The following CLEC6A variants were observed in gnomAD, a reference collection of about 807,000 sequenced individuals.
The protein encoded by CLEC6A is C-type lectin domain containing 6A, also known as C-type lectin domain family 6 member A.
In CLEC6A, 22 loss-of-function variants were observed where a neutral mutation model predicts 25.7. That is an observed-to-expected ratio of 0.85 (90% CI 0.61 to 1.22). CLEC6A has a LOEUF of 1.22. CLEC6A is among the 50% of genes most tolerant of loss of function. The pLI is 0.00. For synonymous variants in CLEC6A, 92 were observed against 76.7 expected, an observed-to-expected ratio of 1.20 and a Z score of -1.04; for missense variants, 240 against 236.8, an observed-to-expected ratio of 1.01 and a Z score of -0.09.
intron 3 of CLEC6A, chr12:8,460,582 C>A (rs1428242290): frequency 4.9e-6 from 5 of 1,016,102 alleles, no homozygotes; most frequent in African/African-American, 1.6e-5. Flanking sequence ...AGGGGAAGAG[C>A]CTTTCTGTCT....
At chr12:8,474,846 A>G (rs757818420) in intron 4 of CLEC6A, among the ~76,000 whole-genome samples, 157 of 152,276 alleles carry the variant, frequency 1.0e-3, no homozygotes, top group Non-Finnish European at 1.9e-3. Context: ...TGAGCTCTCT[A>G]TTATGTTTAA....
intron 1 of CLEC6A, among the ~76,000 whole-genome samples, chr12:8,457,464 C>T (rs769357597): frequency 6.6e-6 from 1 of 152,246 alleles, no homozygotes; most frequent in South Asian, 2.1e-4. Flanking sequence ...TTTTCTTTAT[C>T]CATTCATCTG....
intron 3 of CLEC6A, among the ~76,000 whole-genome samples, chr12:8,464,385 G>T (rs763916795): frequency 6.6e-6 from 1 of 150,822 alleles, no homozygotes; most frequent in African/African-American, 2.4e-5. Flanking sequence ...GCTGGAGTGC[G>T]GTGGTGCAAT....
At chr12:8,458,372 C>T (rs1028327160) in intron 2 of CLEC6A, among the ~76,000 whole-genome samples, 2 of 152,158 alleles carry the variant, frequency 1.3e-5, no homozygotes, top group African/African-American at 4.8e-5. Flanking sequence ...ATATTAGATT[C>T]TTTGATTCAT....
At chr12:8,476,069 C>A in intron 4 of CLEC6A, 56 bp from the exon 5 acceptor site, 1 of 1,151,890 alleles carries the variant, frequency 8.7e-7, no homozygotes, top group Non-Finnish European at 1.3e-6. Context: ...GCAACCTTTA[C>A]TCTGTTCAAT....
intron 3 of CLEC6A, among the ~76,000 whole-genome samples, chr12:8,464,475 T>C (rs4303299): frequency 0.77 from 117,008 of 151,810 alleles, 45,544 homozygotes; most frequent in East Asian, 0.99. Context: ...ACTAAAGGCG[T>C]CCGCCACCAC....
intron 4 of CLEC6A, among the ~76,000 whole-genome samples, chr12:8,470,210 A>G (rs1939887071): frequency 6.6e-6 from 1 of 152,174 alleles, no homozygotes; most frequent in African/African-American, 2.4e-5. Flanking sequence ...TGATCAGGGA[A>G]ATGTAAATCA....
chr12:8,461,096 A>G (rs540741866), intron 3 of CLEC6A: 19 of 1,595,868 alleles, frequency 1.2e-5, no homozygotes, highest in Non-Finnish European at 1.6e-5. Context: ...AAGCACAGGG[A>G]GATGTGTGGG....
intron 5 of CLEC6A, 134 bp from the exon 6 acceptor site, chr12:8,477,186 T>G (rs1939986744): frequency 1.5e-6 from 1 of 672,556 alleles, no homozygotes; most frequent in Admixed American, 3.1e-5. Flanking sequence ...AGGAGAGTAG[T>G]ATGAGAAGAA....
In CLEC6A at chr12:8,455,994, T is replaced by C. The variant is rs1939670193; in HGVS notation, c.-118T>C. ...GAAGTCTCTTAGTCCTATAAGAGTG[T>C]GTAGCAGTTTGTCCCTGAGCTCTAG... On this transcript the variant is annotated 5_prime_UTR_variant, in exon 1 of 6. Coordinates refer to ENST00000382073, the MANE Select transcript of CLEC6A (RefSeq NM_001007033.2). The C allele has an allele frequency of 3.6e-6, 3 of 838,258 alleles. No homozygotes were observed. Among genetic ancestry groups the C allele is most frequent in the Non-Finnish European group, 6.0e-6 (3 of 497,970 alleles). 51.9% of individuals were successfully genotyped at this position (838,258 alleles called of 1,614,324 possible).
rs771183062 is a variant in CLEC6A, at chr12:8,459,678, G to C, written c.203G>C (p.Ser68Thr). ...TATCATTCAAGTCTCACCTGCTTCAGTGAAGGGACAAAGGTGCCAGGTAAA... is the reference window on the plus strand; with the variant it reads ...TATCATTCAAGTCTCACCTGCTTCACTGAAGGGACAAAGGTGCCAGGTAAA... ...HSYHSSLTCF[S>T]EGTKVPAWGC... The change falls in exon 3 of 6, where the codon AGT (serine) becomes ACT (threonine). Residue 68 changes from serine (S) to threonine (T), a missense_variant. By Grantham distance (58) the Ser-to-Thr change is moderately conservative. Transcript: ENST00000382073. 5 of 1,611,980 alleles carry C rather than the reference G, an allele frequency of 3.1e-6. No homozygotes were observed. The highest frequency in any genetic ancestry group is 2.2e-5 in the South Asian group (2 of 91,044).
intron 3 of CLEC6A, chr12:8,460,576 GA>G: frequency 1.0e-6 from 1 of 973,060 alleles, no homozygotes; most frequent in African/African-American, 1.6e-5. Flanking sequence ...TGGAAAAGGG[GA>G]AGAGCCTTTC....
intron 4 of CLEC6A, among the ~76,000 whole-genome samples, chr12:8,473,976 A>G (rs750989737): frequency 6.6e-6 from 1 of 151,916 alleles, no homozygotes; most frequent in African/African-American, 2.4e-5. Flanking sequence ...TGGATGTTAG[A>G]CCTTTGCTGG....
intron 1 of CLEC6A, 138 bp downstream of exon 1, chr12:8,456,280 AAG>A: frequency 3.7e-6 from 3 of 801,908 alleles, no homozygotes; most frequent in Non-Finnish European, 6.0e-6. Flanking sequence ...ATTTGAAAGA[AAG>A]AGTAATTCTT....
chr12:8,456,278 G>A, intron 1 of CLEC6A, 136 bp downstream of exon 1: 1 of 798,512 alleles, frequency 1.3e-6, no homozygotes, highest in African/African-American at 1.7e-5. Flanking sequence ...GAATTTGAAA[G>A]AAAGAGTAAT....
intron 1 of CLEC6A, 90 bp from the exon 2 acceptor site, chr12:8,457,808 C>T: frequency 1.1e-6 from 1 of 876,970 alleles, no homozygotes; most frequent in Non-Finnish European, 1.9e-6. Flanking sequence ...TGAGGTTCTT[C>T]ATCTAGTTTG....
rs867141174 is a variant in CLEC6A at position 8,459,813 on chromosome 12, T to G, written c.223+115T>G. On this transcript the variant is annotated intron_variant, in intron 3 of 5. Coordinates refer to ENST00000382073, the MANE Select transcript of CLEC6A (RefSeq NM_001007033.2). ...TGTGTGTGTATGTTTTATTAAAGCC[T>G]CTGCTTGGATATTTTCATAATTTCT... The G allele has an allele frequency of 5.2e-5, 36 of 693,108 alleles. 1 individual carries two copies. In the Middle Eastern group the frequency reaches 2.4e-3, roughly 47 times the overall value. 42.9% of individuals were successfully genotyped at this position (693,108 alleles called of 1,614,324 possible). A position where few individuals can be genotyped will look rare whatever the true frequency, so the allele number is the denominator to read the frequency against.
intron 4 of CLEC6A, among the ~76,000 whole-genome samples, chr12:8,469,596 C>T (rs1939878787): frequency 6.6e-6 from 1 of 152,068 alleles, no homozygotes; most frequent in Non-Finnish European, 1.5e-5. Flanking sequence ...ACACATGGAC[C>T]AATGGAACAG....
chr12:8,468,862 C>G (rs1291760091), intron 4 of CLEC6A, among the ~76,000 whole-genome samples: 2 of 151,972 alleles, frequency 1.3e-5, no homozygotes, highest in East Asian at 3.9e-4. Flanking sequence ...AAATCATTCC[C>G]CCTGAGAACT....
Sources: gnomAD v4.1 joint callset for allele counts (sites outside exome capture counted in the v4.1 genomes callset) on GRCh38, gnomAD v4.1.1 for gene constraint, MANE v1.5 for transcripts, NCBI Gene and HGNC (gene_info 2026-07-23, HGNC 2026-07-21) for gene names.